The following ME3 variants were observed in gnomAD, a reference collection of about 807,000 sequenced individuals.
The protein encoded by ME3 is malic enzyme 3, also known as NADP-dependent malic enzyme, mitochondrial.
A neutral mutation model predicts 68.9 loss-of-function variants in ME3; 48 were observed. The observed-to-expected ratio is 0.70, with a 90% CI of 0.55 to 0.89. The LOEUF is 0.89. Among genes scored for constraint, ME3 ranks in the 40% least tolerant of loss-of-function variants. The pLI is 0.00. For synonymous variants in ME3, 320 were observed against 318.8 expected (o/e 1.00, Z -0.04); for missense variants, 675 against 797.4 (o/e 0.85, Z 1.85).
chr11:86,559,472 C>T (rs1464143013), intron 3 of ME3, among the ~76,000 whole-genome samples: 2 of 152,162 alleles, frequency 1.3e-5, no homozygotes, highest in South Asian at 2.1e-4. Context: ...AGTTTCCCTT[C>T]CCATTTCCCC....
intron 4 of ME3, among the ~76,000 whole-genome samples, chr11:86,529,241 A>G (rs935655752): frequency 7.9e-5 from 12 of 152,218 alleles, no homozygotes; most frequent in African/African-American, 2.9e-4. Context: ...CTACGCAAAT[A>G]AACTAGAAAA....
At chr11:86,506,187 C>T (rs547928903) in intron 5 of ME3, among the ~76,000 whole-genome samples, 2 of 152,302 alleles carry the variant, frequency 1.3e-5, no homozygotes, top group African/African-American at 4.8e-5. Context: ...CTGGATGTCT[C>T]TCTTATTTGG....
At chr11:86,464,689 A>G (rs905426679) in intron 8 of ME3, among the ~76,000 whole-genome samples, 1 of 152,218 alleles carries the variant, frequency 6.6e-6, no homozygotes, top group African/African-American at 2.4e-5. Context: ...AGTACTTTCT[A>G]TAGCATTAGC....
intron 5 of ME3, among the ~76,000 whole-genome samples, chr11:86,505,435 A>G (rs375334899): frequency 5.3e-5 from 8 of 152,174 alleles, no homozygotes; most frequent in East Asian, 3.9e-4. Flanking sequence ...TTGGATATAT[A>G]TTTCTCATGA....
intron 2 of ME3, among the ~76,000 whole-genome samples, chr11:86,573,575 A>G (rs1055115621): frequency 6.6e-6 from 1 of 151,934 alleles, no homozygotes; most frequent in Non-Finnish European, 1.5e-5. Flanking sequence ...GTCATCTGCA[A>G]ACAGAGACAA....
chr11:86,653,005 T>C (rs1020524368), intron 2 of ME3, among the ~76,000 whole-genome samples: 1 of 151,534 alleles, frequency 6.6e-6, no homozygotes, highest in Non-Finnish European at 1.5e-5. Flanking sequence ...AGAAGGCCAT[T>C]ACATAATGGT....
chr11:86,560,752 A>G (rs61904263), intron 2 of ME3, among the ~76,000 whole-genome samples: 1,264 of 68,148 alleles, frequency 0.019, 52 homozygotes, highest in African/African-American at 0.046. Flanking sequence ...GTGTGTGTAT[A>G]TATATATATA....
At chr11:86,481,591 G>T (rs1215331048) in intron 7 of ME3, among the ~76,000 whole-genome samples, 1 of 152,128 alleles carries the variant, frequency 6.6e-6, no homozygotes, top group Non-Finnish European at 1.5e-5. Context: ...GGGTGTGGGG[G>T]TGGAGTGTAC....
chr11:86,665,993 T>C (rs1400732198), intron 2 of ME3, among the ~76,000 whole-genome samples: 1 of 152,120 alleles, frequency 6.6e-6, no homozygotes, highest in African/African-American at 2.4e-5. Context: ...AGTGGGGATA[T>C]AGAGAAACAG....
intron 2 of ME3, among the ~76,000 whole-genome samples, chr11:86,653,683 G>A (rs1945640282): frequency 6.6e-6 from 1 of 152,136 alleles, no homozygotes; most frequent in South Asian, 2.1e-4. Flanking sequence ...ACAATTAAAA[G>A]AACTAGAGAA....
At chr11:86,606,838 T>C (rs1046954248) in intron 2 of ME3, among the ~76,000 whole-genome samples, 1 of 152,190 alleles carries the variant, frequency 6.6e-6, no homozygotes. Context: ...CCTTCCTGTT[T>C]TAATCATTCC....
Position 86,606,599 on chromosome 11 carries a change from T to G in ME3, c.184-46776A>C, listed in dbSNP as rs559685912. On this transcript the variant is annotated intron_variant, in intron 2 of 14. Coordinates refer to ENST00000543262, the Ensembl canonical transcript of ME3. ...AAATATTTCTGACAACCCCAGTGAG[T>G]GATGTTCACCAGATGCTGATCAGGA... is the stretch of plus-strand genomic sequence containing the variant. Among the ~76,000 whole-genome samples, 4 of 152,168 alleles carry G rather than the reference T, an allele frequency of 2.6e-5. No individual in the cohort carries two copies. The South Asian group carries it at 8.3e-4, about 32-fold the overall frequency.
In ME3 at chr11:86,624,188, G is replaced by A. The variant is rs1001144165; in HGVS notation, c.183+47574C>T. 3.6e-4 allele frequency among the ~76,000 whole-genome samples: 55 copies of A among 152,318 alleles called. 1 individual carries two copies. The highest frequency in any genetic ancestry group is 1.2e-3 in the African/African-American group (49 of 41,564). ...ATTGGCCAAAAGAAAGAAGCTGGAC[G>A]ATTCAGAGGGCTTCTCAGCCCCTAG... is the stretch of plus-strand genomic sequence containing the variant. On this transcript the variant is annotated intron_variant, in intron 2 of 14. Transcript: ENST00000543262.
intron 2 of ME3, among the ~76,000 whole-genome samples, chr11:86,623,678 T>TTGTTATAGAAATAGCAA (rs1256895719): frequency 1.3e-5 from 2 of 152,186 alleles, no homozygotes; most frequent in Non-Finnish European, 2.9e-5. Flanking sequence ...AACCAAGGCA[T>TTGTTATAGAAATAGCAA]TGTTATAGAA....
At chr11:86,601,540 A>G (rs1301574544) in intron 2 of ME3, among the ~76,000 whole-genome samples, 2 of 152,162 alleles carry the variant, frequency 1.3e-5, no homozygotes, top group African/African-American at 4.8e-5. Flanking sequence ...AGGAACTGGT[A>G]CCATTCCTTC....
At chr11:86,537,772 A>G (rs1054495675) in intron 4 of ME3, among the ~76,000 whole-genome samples, 1 of 152,300 alleles carries the variant, frequency 6.6e-6, no homozygotes, top group Middle Eastern at 3.4e-3. Flanking sequence ...AGTGGGCTGC[A>G]GGGGGCACAC....
At chr11:86,461,308 C>T (rs986620648) in intron 8 of ME3, among the ~76,000 whole-genome samples, 4 of 152,114 alleles carry the variant, frequency 2.6e-5, no homozygotes, top group South Asian at 2.1e-4. Context: ...CTGTGTTTGT[C>T]CCCCAGTGAG....
chr11:86,606,317 C>G (rs1961642184), intron 2 of ME3, among the ~76,000 whole-genome samples: 2 of 152,174 alleles, frequency 1.3e-5, no homozygotes, highest in Non-Finnish European at 2.9e-5. Flanking sequence ...TGGGCCTTTG[C>G]CATACTGTGC....
At chr11:86,641,039 G>T (rs747755303) in intron 2 of ME3, among the ~76,000 whole-genome samples, 9 of 33,288 alleles carry the variant, frequency 2.7e-4, no homozygotes, top group African/African-American at 5.0e-4. Flanking sequence ...ATTTCACTGG[G>T]GGGGGGGGTC....
Sources: allele counts gnomAD v4.1 joint callset (sites outside exome capture counted in the v4.1 genomes callset), GRCh38; gene constraint gnomAD v4.1.1; transcripts MANE v1.5; gene names NCBI Gene and HGNC (gene_info 2026-07-23, HGNC 2026-07-21).